The following ARL15 variants were observed in gnomAD, a reference collection of about 807,000 sequenced individuals.
ARL15 encodes ADP-ribosylation factor-like protein 15.
ARL15 carries 19 observed loss-of-function variants against 25.2 expected under a neutral mutation model. That is an observed-to-expected ratio of 0.75 (90% CI 0.53 to 1.10). ARL15 has a LOEUF of 1.10. Ranked by LOEUF, ARL15 falls within the 50% of genes least tolerant of loss-of-function variation. The pLI, the probability that ARL15 is intolerant of heterozygous loss-of-function variation, is 0.00. For synonymous variants in ARL15, 94 were observed against 86.8 expected, an observed-to-expected ratio of 1.08 and a Z score of -0.46; for missense variants, 220 against 246.0, an observed-to-expected ratio of 0.89 and a Z score of 0.71.
intron 4 of ARL15, among the ~76,000 whole-genome samples, chr5:54,092,251 G>A (rs1199326658): frequency 6.6e-6 from 1 of 151,956 alleles, no homozygotes; most frequent in Non-Finnish European, 1.5e-5. Flanking sequence ...TAGAATCCTT[G>A]GCATATTCTT....
At chr5:53,955,734 G>C (rs1747129830) in intron 4 of ARL15, among the ~76,000 whole-genome samples, 1 of 152,226 alleles carries the variant, frequency 6.6e-6, no homozygotes, top group Non-Finnish European at 1.5e-5. Flanking sequence ...TCCTGGCTCA[G>C]CAGCAGTCTT....
At chr5:54,241,489 T>C (rs1756956169) in intron 1 of ARL15, among the ~76,000 whole-genome samples, 1 of 152,204 alleles carries the variant, frequency 6.6e-6, no homozygotes, top group Non-Finnish European at 1.5e-5. Flanking sequence ...TACTCATAGG[T>C]TCTTTTTTCC....
chr5:53,990,731 G>A (rs1349589772), intron 4 of ARL15, among the ~76,000 whole-genome samples: 4 of 152,156 alleles, frequency 2.6e-5, no homozygotes, highest in African/African-American at 9.7e-5. Flanking sequence ...TTTAAAAATT[G>A]AATCATATTT....
chr5:53,980,571 C>G (rs549313072), intron 4 of ARL15, among the ~76,000 whole-genome samples: 10 of 152,316 alleles, frequency 6.6e-5, no homozygotes, highest in African/African-American at 2.2e-4. Flanking sequence ...GAGAAATTAT[C>G]AGAATTTAGT....
rs561818927 is a variant in ARL15 at position 54,041,786 on chromosome 5, T to C, written c.462+71416A>G. ...AATGAGAAAAGCAAGCAATCTGAAA[T>C]TGACGCCCCAGGAACTCTGAATCAG... is the stretch of plus-strand genomic sequence containing the variant. On this transcript the variant is annotated intron_variant, in intron 4 of 4. Transcript: ENST00000504924. Among the ~76,000 whole-genome samples, 8 of 152,220 alleles carry C rather than the reference T, an allele frequency of 5.3e-5. No homozygotes were observed. In the East Asian group the frequency reaches 1.5e-3, roughly 29 times the overall value.
At chr5:54,301,099 C>A (rs1190499605) in intron 1 of ARL15, among the ~76,000 whole-genome samples, 1 of 152,190 alleles carries the variant, frequency 6.6e-6, no homozygotes, top group Non-Finnish European at 1.5e-5. Context: ...TTCTCTTTGG[C>A]CCTGAAATCT....
intron 4 of ARL15, among the ~76,000 whole-genome samples, chr5:53,977,649 T>A (rs1382503853): frequency 6.6e-6 from 1 of 152,192 alleles, no homozygotes; most frequent in Non-Finnish European, 1.5e-5. Context: ...ATAGAAGATA[T>A]CATATTTTGA....
intron 4 of ARL15, among the ~76,000 whole-genome samples, chr5:54,093,832 C>T (rs1460995644): frequency 6.6e-6 from 1 of 152,032 alleles, no homozygotes; most frequent in African/African-American, 2.4e-5. Context: ...AGTGATTTTG[C>T]TATTGGTGGG....
intron 3 of ARL15, chr5:54,154,344 A>G: frequency 2.6e-6 from 1 of 378,494 alleles, no homozygotes; most frequent in African/African-American, 2.1e-5. Context: ...AATTGCCAAT[A>G]ATAGTGTAAT....
At chr5:54,300,589 A>T (rs566152559) in intron 1 of ARL15, among the ~76,000 whole-genome samples, 10 of 152,342 alleles carry the variant, frequency 6.6e-5, no homozygotes, top group African/African-American at 2.4e-4. Flanking sequence ...TTACTCAGAT[A>T]ACCAAAACAA....
At chr5:54,250,100 A>G (rs898728429) in intron 1 of ARL15, among the ~76,000 whole-genome samples, 4 of 152,166 alleles carry the variant, frequency 2.6e-5, no homozygotes, top group African/African-American at 7.2e-5. Flanking sequence ...GAAGCTTACA[A>G]TCATGGCAGA....
At chr5:54,220,137 T>G (rs1756329668) in intron 1 of ARL15, among the ~76,000 whole-genome samples, 1 of 152,182 alleles carries the variant, frequency 6.6e-6, no homozygotes, top group African/African-American at 2.4e-5. Context: ...TGCCATACAA[T>G]TACAATGCCT....
At chr5:54,303,684 GAGAGGAAAAAAAGAAGAA>G (rs1758673392) in intron 1 of ARL15, among the ~76,000 whole-genome samples, 2 of 139,774 alleles carry the variant, frequency 1.4e-5, no homozygotes, top group African/African-American at 5.4e-5. Context: ...AGAAGAAGAG[GAGAGGAAAAAAAGAAGAA>G]AGAGGAGGAG....
Position 54,018,883 on chromosome 5 carries a change from G to C in ARL15, c.462+94319C>G, listed in dbSNP as rs373705715. Among the ~76,000 whole-genome samples, 10 of 152,250 alleles carry C rather than the reference G, an allele frequency of 6.6e-5. No individual in the cohort carries two copies. The South Asian group carries it at 1.9e-3, about 28-fold the overall frequency. On this transcript the variant is annotated intron_variant, in intron 4 of 4. Transcript: ENST00000504924. ...AACAAAACAGAACTAAACACCCGGAGTGAATAATCTATTATAGTTCCCAAT... is the reference window on the plus strand; with the variant it reads ...AACAAAACAGAACTAAACACCCGGACTGAATAATCTATTATAGTTCCCAAT...
chr5:54,273,819 G>A (rs1355571732), intron 1 of ARL15, among the ~76,000 whole-genome samples: 1 of 152,196 alleles, frequency 6.6e-6, no homozygotes, highest in Admixed American at 6.5e-5. Context: ...TGATGATGGT[G>A]AAGAGCCACC....
At chr5:54,188,218 T>C (rs1755292331) in intron 1 of ARL15, among the ~76,000 whole-genome samples, 1 of 152,118 alleles carries the variant, frequency 6.6e-6, no homozygotes, top group African/African-American at 2.4e-5. Flanking sequence ...AACTCAGCTT[T>C]CCCAAAAGGA....
chr5:53,909,524 T>C (rs1487348203), intron 4 of ARL15, among the ~76,000 whole-genome samples: 1 of 152,116 alleles, frequency 6.6e-6, no homozygotes, highest in Non-Finnish European at 1.5e-5. Context: ...CTGACCAACA[T>C]GGAGAAACCC....
chr5:54,130,879 T>C (rs1197031873), intron 3 of ARL15, among the ~76,000 whole-genome samples: 1 of 152,204 alleles, frequency 6.6e-6, no homozygotes, highest in Non-Finnish European at 1.5e-5. Context: ...AGGAACCTAT[T>C]TGGCACATCT....
rs187850358 is a variant in ARL15 at position 54,230,359 on chromosome 5, A to G, written c.49-58431T>C. ...GATTCCATCTCAGAAAAAAAAAAAA[A>G]AAAGAAAAGAAAAGAAAAAGAAAAA... On this transcript the variant is annotated intron_variant, in intron 1 of 4. Coordinates refer to ENST00000504924, the MANE Select transcript of ARL15 (RefSeq NM_019087.3). Among the ~76,000 whole-genome samples, 117 of 150,908 alleles carry G rather than the reference A, an allele frequency of 7.8e-4. No individual in the cohort carries two copies. In the East Asian group the frequency reaches 0.02, roughly 26 times the overall value.
Sources: allele counts gnomAD v4.1 joint callset (sites outside exome capture counted in the v4.1 genomes callset), GRCh38; gene constraint gnomAD v4.1.1; transcripts MANE v1.5; gene names NCBI Gene and HGNC (gene_info 2026-07-23, HGNC 2026-07-21).